LRRC1: variants seen among roughly 807,000 people sequenced by gnomAD.
LRRC1 encodes the protein leucine-rich repeat-containing protein 1.
Under a neutral mutation model 69.9 loss-of-function variants are expected in LRRC1, and 28 were observed. The observed-to-expected ratio is 0.40, with a 90% CI of 0.30 to 0.55. The LOEUF (loss-of-function observed/expected upper bound fraction) is 0.55. Among genes scored for constraint, LRRC1 ranks in the 20% least tolerant of loss-of-function variants. The pLI, the probability that LRRC1 is intolerant of heterozygous loss-of-function variation, is 0.47. For synonymous variants in LRRC1, 236 were observed against 240.2 expected (o/e 0.98, Z 0.16); for missense variants, 498 against 609.0 (o/e 0.82, Z 1.92).
chr6:53,893,587 T>C (rs1386409569), intron 4 of LRRC1, among the ~76,000 whole-genome samples: 3 of 152,120 alleles, frequency 2.0e-5, no homozygotes, highest in East Asian at 1.9e-4. Context: ...AAAATGCTCA[T>C]TGGAGCATTT....
chr6:53,812,461 C>A (rs185398801), intron 1 of LRRC1, among the ~76,000 whole-genome samples: 3 of 151,592 alleles, frequency 2.0e-5, no homozygotes, highest in Admixed American at 2.0e-4. Flanking sequence ...GAGGCCGAGG[C>A]GGGCGGATCA....
chr6:53,884,803 AG>A (rs1165694404), intron 4 of LRRC1, among the ~76,000 whole-genome samples: 3 of 152,220 alleles, frequency 2.0e-5, no homozygotes, highest in African/African-American at 7.2e-5. Context: ...TTTAATGGAA[AG>A]TATTATTTTA....
At chr6:53,797,374 C>T (rs1482130935) in intron 1 of LRRC1, among the ~76,000 whole-genome samples, 1 of 152,164 alleles carries the variant, frequency 6.6e-6, no homozygotes. Context: ...CTACTTCTCC[C>T]TGACTTATTG....
chr6:53,806,108 T>TAAC (rs1405242447), intron 1 of LRRC1, among the ~76,000 whole-genome samples: 1 of 152,240 alleles, frequency 6.6e-6, no homozygotes. Flanking sequence ...CCTCTGGAGC[T>TAAC]AACATTCCTG....
At chr6:53,811,941 T>G (rs1033350006) in intron 1 of LRRC1, among the ~76,000 whole-genome samples, 1 of 152,224 alleles carries the variant, frequency 6.6e-6, no homozygotes, top group African/African-American at 2.4e-5. Context: ...CAAAAGTGAG[T>G]GCACAGTGCC....
Position 53,849,610 on chromosome 6 carries a change from C to A in LRRC1, c.277+7383C>A, listed in dbSNP as rs565033957. Among the ~76,000 whole-genome samples, 69 of 152,304 alleles carry A rather than the reference C, an allele frequency of 4.5e-4. No homozygotes were observed. The South Asian group carries it at 0.014, about 31-fold the overall frequency. On this transcript the variant is annotated intron_variant, in intron 2 of 13. Transcript: ENST00000370888. ...CTCGCACCACTGCAAACAGCGCTCT[C>A]CTCTTACTGAGCTAGAAAAGACAAA...
chr6:53,842,606 T>C (rs1193451260), intron 2 of LRRC1, among the ~76,000 whole-genome samples: 1 of 152,180 alleles, frequency 6.6e-6, no homozygotes, highest in Non-Finnish European at 1.5e-5. Flanking sequence ...TTTAACCTTG[T>C]CCACTTATTT....
At chr6:53,835,433 G>C (rs1765585925) in intron 1 of LRRC1, among the ~76,000 whole-genome samples, 1 of 152,178 alleles carries the variant, frequency 6.6e-6, no homozygotes, top group Non-Finnish European at 1.5e-5. Context: ...AAGAAAACAA[G>C]AGGACCAGAG....
chr6:53,795,478 C>T (rs1354200930), intron 1 of LRRC1, 63 bp downstream of exon 1: 8 of 1,495,360 alleles, frequency 5.3e-6, no homozygotes, highest in Non-Finnish European at 6.3e-6. Flanking sequence ...CGCTCCCATC[C>T]TCTCTCGTCC....
intron 2 of LRRC1, among the ~76,000 whole-genome samples, chr6:53,878,773 T>C (rs577621359): frequency 6.6e-6 from 1 of 152,306 alleles, no homozygotes; most frequent in South Asian, 2.1e-4. Context: ...TTGTCAGAGA[T>C]TTGATGTTTT....
rs764936730 is a variant in LRRC1, at chr6:53,795,331, C to T, written c.75C>T (p.Val25=). The change falls in exon 1 of 14, where the codon GTC becomes GTT. Residue 25 remains valine, a synonymous_variant. Transcript: ENST00000370888. ...TCGACAAGCGCCACTGCTCGCTGGT[C>T]TACGTCCCCGAGGAGATCTACCGCT... is the stretch of plus-strand genomic sequence containing the variant. ...ESIDKRHCSL[V]YVPEEIYRYA... The T allele has an allele frequency of 2.5e-6, 4 of 1,613,648 alleles. No homozygotes were observed. Among genetic ancestry groups the T allele is most frequent in the South Asian group, 2.2e-5 (2 of 91,058 alleles).
chr6:53,911,948 A>T (rs1189766341), intron 10 of LRRC1, among the ~76,000 whole-genome samples: 1 of 152,196 alleles, frequency 6.6e-6, no homozygotes, highest in African/African-American at 2.4e-5. Context: ...TTGGGGCTTG[A>T]TGTTTCTAAA....
intron 13 of LRRC1, among the ~76,000 whole-genome samples, chr6:53,921,108 C>T (rs1252953491): frequency 1.3e-5 from 2 of 152,124 alleles, no homozygotes; most frequent in Non-Finnish European, 2.9e-5. Context: ...GCTGGGACTG[C>T]AGGCACCTGC....
intron 1 of LRRC1, among the ~76,000 whole-genome samples, chr6:53,815,318 G>A (rs993391293): frequency 2.0e-5 from 3 of 152,082 alleles, no homozygotes; most frequent in Non-Finnish European, 2.9e-5. Context: ...AAAGCTACTT[G>A]TCATCTCCGA....
intron 4 of LRRC1, among the ~76,000 whole-genome samples, chr6:53,891,347 T>C (rs1037383036): frequency 1.2e-4 from 18 of 151,962 alleles, no homozygotes; most frequent in Admixed American, 1.0e-3. Flanking sequence ...AAGGATGAAA[T>C]GTTTATTAAT....
chr6:53,808,015 G>T (rs1326547307), intron 1 of LRRC1, among the ~76,000 whole-genome samples: 1 of 152,344 alleles, frequency 6.6e-6, no homozygotes, highest in East Asian at 1.9e-4. Flanking sequence ...TATTGGCAGG[G>T]CCTGGAGGGC....
intron 1 of LRRC1, among the ~76,000 whole-genome samples, chr6:53,804,806 A>G (rs1475719777): frequency 6.6e-6 from 1 of 152,234 alleles, no homozygotes; most frequent in Non-Finnish European, 1.5e-5. Context: ...TGTACTTTAC[A>G]AAATATTGCT....
At chr6:53,900,077 G>A (rs929660997) in intron 8 of LRRC1, among the ~76,000 whole-genome samples, 186 bp downstream of exon 8, 66 of 124,610 alleles carry the variant, frequency 5.3e-4, no homozygotes, top group African/African-American at 1.9e-3. Flanking sequence ...TCGCTCTGTC[G>A]CCCAGGCTGG....
intron 10 of LRRC1, 113 bp from the exon 11 acceptor site, chr6:53,913,741 T>C: frequency 1.8e-6 from 1 of 553,268 alleles, no homozygotes. Flanking sequence ...CGGTGAGTTA[T>C]GTGGTATAAG....
Sources: gnomAD v4.1 joint callset for allele counts (sites outside exome capture counted in the v4.1 genomes callset) on GRCh38, gnomAD v4.1.1 for gene constraint, MANE v1.5 for transcripts, NCBI Gene and HGNC (gene_info 2026-07-23, HGNC 2026-07-21) for gene names.